TRPM5: variants seen among roughly 807,000 people sequenced by gnomAD.
TRPM5 encodes transient receptor potential cation channel subfamily M member 5.
TRPM5 carries 121 observed loss-of-function variants against 124.9 expected under a neutral mutation model. The observed-to-expected ratio is 0.97, with a 90% CI of 0.84 to 1.13. TRPM5 has a LOEUF of 1.13. Among genes scored for constraint, TRPM5 ranks in the 50% most tolerant of loss-of-function variants. The pLI is 0.00. For synonymous variants in TRPM5, 781 were observed against 700.5 expected, an observed-to-expected ratio of 1.11 and a Z score of -1.81; for missense variants, 1,643 against 1,589.1, an observed-to-expected ratio of 1.03 and a Z score of -0.58.
the TRPM5 span, among the ~76,000 whole-genome samples, chr11:2,442,376 TACACACAC>T: frequency 0.036 from 5,080 of 141,156 alleles, 131 homozygotes; most frequent in African/African-American, 0.073. This position sits in a 1 kb window ranked among gnomAD's most constrained non-coding sequence, Gnocchi z 5.9. Flanking sequence ...CATTCTTTGA[TACACACAC>T]ACACACACAC....
At chr11:2,410,772 C>G in intron 18 of TRPM5, 1 of 432,932 alleles carries the variant, frequency 2.3e-6, no homozygotes, top group Non-Finnish European at 4.6e-6. Flanking sequence ...AGGCCACACA[C>G]ACACATTGGG....
At chr11:2,420,439 C>G (rs1008687523) in intron 3 of TRPM5, 34 bp from the exon 9 acceptor site, 6 of 1,541,606 alleles carry the variant, frequency 3.9e-6, no homozygotes, top group Middle Eastern at 1.8e-4. Flanking sequence ...GCTGAGCCCT[C>G]GAGAGGCAGC....
chr11:2,406,608 C>T (rs1007193895), intron 21 of TRPM5, 53 bp downstream of exon 26: 1 of 1,546,634 alleles, frequency 6.5e-7, no homozygotes, highest in African/African-American at 1.4e-5. Flanking sequence ...AATGGCACAT[C>T]CCCGCTTAAA....
chr11:2,443,498 C>A, the TRPM5 span, among the ~76,000 whole-genome samples: 1 of 152,056 alleles, frequency 6.6e-6, no homozygotes, highest in East Asian at 1.9e-4. This position sits in a 1 kb window ranked among gnomAD's most constrained non-coding sequence, Gnocchi z 5.0. Context: ...GTTATCACAG[C>A]GCCCAGCACA....
rs1490281070 is a variant in TRPM5, at chr11:2,405,683, G to C, written c.3325-90C>G. The C allele has an allele frequency of 2.2e-6, 3 of 1,385,406 alleles. No homozygotes were observed. In the East Asian group the frequency reaches 7.6e-5, roughly 35 times the overall value. 85.8% of individuals were successfully genotyped at this position (1,385,406 alleles called of 1,614,324 possible). A position where few individuals can be genotyped will look rare whatever the true frequency, so the allele number is the denominator to read the frequency against. On this transcript the variant is annotated intron_variant, in intron 22 of 23. Coordinates refer to ENST00000155858, the Ensembl canonical transcript of TRPM5. ...CTCCCCATCTCCCCTCTCCTGCCAG[G>C]GCCCCCGCTGCCCTGTGACTCCTCC... is the stretch of plus-strand genomic sequence containing the variant.
rs762316590 is a variant in TRPM5, at chr11:2,414,994, G to T, written c.1533C>A (p.Asn511Lys). Reference sequence around the variant, plus strand: ...CCCGCCAGGGGTTCTCGCTCTTCTGGTTCAGGTCCAGCAGCCACTTCTGGC... The same window carrying T: ...CCCGCCAGGGGTTCTCGCTCTTCTGTTTCAGGTCCAGCAGCCACTTCTGGC... Residue 511 changes from asparagine to lysine, a missense_variant, in exon 10 of 24, where the codon AAC (asparagine) becomes AAA (lysine). Asn to Lys is a moderately conservative substitution (Grantham distance 94). Transcript: ENST00000155858. 7 of 1,606,056 alleles carry T rather than the reference G, an allele frequency of 4.4e-6. No homozygotes were observed. The East Asian group carries it at 8.9e-5, about 20-fold the overall frequency.
chr11:2,413,576 T>C (rs775237586), exon 13 of TRPM5: 29 of 1,612,338 alleles, frequency 1.8e-5, no homozygotes, highest in Admixed American at 6.7e-5. Flanking sequence ...CACCAGATCC[T>C]GGTCAGGAAG....
exon 3 of TRPM5, chr11:2,421,080 C>A: frequency 6.5e-7 from 1 of 1,549,832 alleles, no homozygotes; most frequent in Admixed American, 1.9e-5. Context: ...CCAGCGAGGC[C>A]ATGCCGACAG....
At chr11:2,416,798 T>A (rs1845693826) in intron 7 of TRPM5, among the ~76,000 whole-genome samples, 1 of 152,194 alleles carries the variant, frequency 6.6e-6, no homozygotes, top group Admixed American at 6.5e-5. Context: ...TCAGCACGCG[T>A]TCGTCTCCAG....
chr11:2,430,745 G>GGTGGTGGTT, the TRPM5 span, among the ~76,000 whole-genome samples: 1,382 of 134,572 alleles, frequency 0.01, 22 homozygotes, highest in Middle Eastern at 0.027. Flanking sequence ...TGGTGATGGT[G>GGTGGTGGTT]TTGGTGGTGG....
chr11:2,430,237 GC>G, the TRPM5 span, among the ~76,000 whole-genome samples: 1 of 151,496 alleles, frequency 6.6e-6, no homozygotes. Flanking sequence ...GCTCCCTCTT[GC>G]CACTCAGATA....
chr11:2,440,158 G>A, the TRPM5 span, among the ~76,000 whole-genome samples: 2 of 152,244 alleles, frequency 1.3e-5, no homozygotes, highest in East Asian at 1.9e-4. This position sits in a 1 kb window ranked among gnomAD's most constrained non-coding sequence, Gnocchi z 5.2. Context: ...GACATAGAGG[G>A]ACAACAATAG....
rs781745836 is a variant in TRPM5 at position 2,405,059 on chromosome 11, G to GC, written c.3392-17dup. The GC allele has an allele frequency of 8.7e-6, 14 of 1,606,064 alleles. No individual in the cohort carries two copies. The highest frequency in any genetic ancestry group is 6.6e-5 in the South Asian group (6 of 90,624). On this transcript the variant is annotated splice_polypyrimidine_tract_variant and intron_variant, in intron 23 of 23. Transcript: ENST00000155858. Reference sequence around the variant, plus strand: ...TGCTGAGAGCCTGCTGGGAAGGAAGGCCCCCCTGAGCGGTGGGAACCAGCA... The same window carrying GC: ...TGCTGAGAGCCTGCTGGGAAGGAAGGCCCCCCCTGAGCGGTGGGAACCAGCA...
chr11:2,408,732 C>A (rs1589866332), intron 18 of TRPM5, among the ~76,000 whole-genome samples: 1 of 152,234 alleles, frequency 6.6e-6, no homozygotes, highest in Non-Finnish European at 1.5e-5. Flanking sequence ...GAGGAAGGAG[C>A]CGCAGTGGGC....
the TRPM5 span, among the ~76,000 whole-genome samples, chr11:2,439,344 A>G: frequency 6.6e-6 from 1 of 152,250 alleles, no homozygotes; most frequent in Non-Finnish European, 1.5e-5. Context: ...AATTAAGCTA[A>G]AGAGCTTCTG....
chr11:2,407,795 T>C (rs2133500543), exon 19 of TRPM5: 1 of 1,613,872 alleles, frequency 6.2e-7, no homozygotes, highest in Non-Finnish European at 8.5e-7. Context: ...GAGCAGCACA[T>C]TGGTGACCAA....
At chr11:2,406,963 G>A (rs911363207) in intron 20 of TRPM5, among the ~76,000 whole-genome samples, 156 bp downstream of exon 25, 1 of 152,184 alleles carries the variant, frequency 6.6e-6, no homozygotes, top group Non-Finnish European at 1.5e-5. Context: ...GCGGGTGGAC[G>A]GGCTCAGCTG....
chr11:2,443,443 C>T, the TRPM5 span, among the ~76,000 whole-genome samples: 2 of 152,340 alleles, frequency 1.3e-5, no homozygotes, highest in African/African-American at 2.4e-5. This position sits in a 1 kb window ranked among gnomAD's most constrained non-coding sequence, Gnocchi z 5.0. Flanking sequence ...TGCACCTTCA[C>T]TGATATGCTT....
chr11:2,436,756 C>G, the TRPM5 span, among the ~76,000 whole-genome samples: 1 of 152,242 alleles, frequency 6.6e-6, no homozygotes, highest in Non-Finnish European at 1.5e-5. Context: ...CAGGAGCAGT[C>G]TCCGGAAGTG....
Sources: allele counts gnomAD v4.1 joint callset (sites outside exome capture counted in the v4.1 genomes callset), GRCh38; gene constraint gnomAD v4.1.1; non-coding constraint Gnocchi (gnomAD v3.1); transcripts MANE v1.5; gene names NCBI Gene and HGNC (gene_info 2026-07-23, HGNC 2026-07-21).